KLHL1: variants seen among roughly 807,000 people sequenced by gnomAD.
KLHL1 encodes kelch-like protein 1.
KLHL1 carries 47 observed loss-of-function variants against 77.7 expected under a neutral mutation model. That is an observed-to-expected ratio of 0.60 (90% CI 0.48 to 0.77). The LOEUF (loss-of-function observed/expected upper bound fraction) is 0.77, where lower values mean the gene tolerates loss of function less well. Ranked by LOEUF, KLHL1 falls within the 30% of genes least tolerant of loss-of-function variation. The probability of loss-of-function intolerance (pLI) is 0.00; values close to 1 mark genes in which losing one functional copy is unlikely to be tolerated. For missense variants in KLHL1, 925 were observed against 910.8 expected (o/e 1.02, Z -0.20); for synonymous variants, 360 against 325.2 (o/e 1.11, Z -1.15).
At chr13:70,065,306 G>A (rs1419294974) in intron 1 of KLHL1, among the ~76,000 whole-genome samples, 1 of 152,076 alleles carries the variant, frequency 6.6e-6, no homozygotes, top group Admixed American at 6.6e-5. Flanking sequence ...GTGACTGAGG[G>A]TCAAGAACTT....
chr13:69,826,911 A>G (rs1878571888), intron 6 of KLHL1, among the ~76,000 whole-genome samples: 1 of 151,808 alleles, frequency 6.6e-6, no homozygotes, highest in African/African-American at 2.4e-5. Context: ...ATAAACTTGT[A>G]TTCATTTTCT....
At chr13:70,105,563 T>C (rs891984652) in intron 1 of KLHL1, among the ~76,000 whole-genome samples, 10 of 151,388 alleles carry the variant, frequency 6.6e-5, no homozygotes, top group Non-Finnish European at 1.2e-4. Flanking sequence ...TTTAATAAAA[T>C]AGTAACAGAT....
intron 6 of KLHL1, among the ~76,000 whole-genome samples, chr13:69,835,139 T>C (rs901541970): frequency 2.0e-5 from 3 of 152,168 alleles, no homozygotes; most frequent in African/African-American, 4.8e-5. Flanking sequence ...ATAGACAAAA[T>C]ACCTACATTT....
At chr13:69,780,606 A>C (rs1876091969) in intron 7 of KLHL1, among the ~76,000 whole-genome samples, 1 of 147,712 alleles carries the variant, frequency 6.8e-6, no homozygotes, top group African/African-American at 2.5e-5. Context: ...CTGTCTATTC[A>C]TTACTCATTG....
At chr13:69,877,524 A>G (rs1396890295) in intron 5 of KLHL1, among the ~76,000 whole-genome samples, 2 of 151,954 alleles carry the variant, frequency 1.3e-5, no homozygotes, top group Non-Finnish European at 1.5e-5. Context: ...TATGTTTTCT[A>G]ATACTGCTGA....
intron 7 of KLHL1, among the ~76,000 whole-genome samples, chr13:69,759,035 A>C (rs12585039): frequency 0.36 from 55,300 of 151,886 alleles, 10,296 homozygotes; most frequent in African/African-American, 0.43. Flanking sequence ...AAGGGCAGGG[A>C]TTGTCTATGT....
At chr13:70,068,901 T>C (rs1304164762) in intron 1 of KLHL1, among the ~76,000 whole-genome samples, 1 of 152,150 alleles carries the variant, frequency 6.6e-6, no homozygotes. Flanking sequence ...CCAGGAGCCC[T>C]ACAAGGTTCT....
intron 8 of KLHL1, among the ~76,000 whole-genome samples, chr13:69,731,263 AG>A (rs1873532725): frequency 6.6e-6 from 1 of 152,212 alleles, no homozygotes; most frequent in Non-Finnish European, 1.5e-5. Flanking sequence ...AGGAGTGAGA[AG>A]CAGAAGGTAA....
chr13:69,797,132 C>T (rs1877145667), intron 6 of KLHL1, among the ~76,000 whole-genome samples, 170 bp from the exon 7 acceptor site: 1 of 152,222 alleles, frequency 6.6e-6, no homozygotes, highest in Non-Finnish European at 1.5e-5. Context: ...TTTATTTTCT[C>T]TTCTTGGCAG....
At chr13:69,738,143 TC>T (rs753247062) in intron 8 of KLHL1, among the ~76,000 whole-genome samples, 20 of 151,906 alleles carry the variant, frequency 1.3e-4, no homozygotes, top group Non-Finnish European at 1.8e-4. Flanking sequence ...AACTGCAGCA[TC>T]CCTATGGAAA....
intron 4 of KLHL1, among the ~76,000 whole-genome samples, chr13:69,934,968 A>ATATATATATATATATATG (rs1593963840): frequency 3.4e-5 from 2 of 59,454 alleles, no homozygotes; most frequent in East Asian, 6.6e-4. Context: ...ATGTGTATAT[A>ATATATATATATATATATG]TATATATATA....
intron 7 of KLHL1, among the ~76,000 whole-genome samples, chr13:69,767,663 GATT>G (rs1875372783): frequency 6.6e-6 from 1 of 152,116 alleles, no homozygotes; most frequent in Non-Finnish European, 1.5e-5. Context: ...AACATCAATA[GATT>G]ATATTTCTAG....
intron 7 of KLHL1, among the ~76,000 whole-genome samples, chr13:69,765,873 C>T (rs1188609347): frequency 6.6e-6 from 1 of 152,322 alleles, no homozygotes. Context: ...TTTTGCTCCA[C>T]AGAGGCTCAT....
intron 7 of KLHL1, among the ~76,000 whole-genome samples, chr13:69,795,238 C>T (rs1166688930): frequency 6.6e-6 from 1 of 152,136 alleles, no homozygotes; most frequent in Non-Finnish European, 1.5e-5. Context: ...CTCTCTCTTT[C>T]CTTTTCTCTC....
chr13:69,939,724 C>A (rs889203300), intron 4 of KLHL1, among the ~76,000 whole-genome samples: 4 of 151,762 alleles, frequency 2.6e-5, no homozygotes, highest in African/African-American at 9.7e-5. Flanking sequence ...GGGCCTGGAG[C>A]CTATGCGCCC....
At chr13:69,824,465 C>T (rs1175251277) in intron 6 of KLHL1, among the ~76,000 whole-genome samples, 2 of 151,948 alleles carry the variant, frequency 1.3e-5, no homozygotes, top group South Asian at 2.1e-4. Context: ...CACAAAAATA[C>T]TTCTACATGA....
Position 69,960,128 on chromosome 13 carries a change from T to TTC in KLHL1, c.817+1179_817+1180insGA, listed in dbSNP as rs1555285617. 1.7e-3 allele frequency among the ~76,000 whole-genome samples: 258 copies of TTC among 150,600 alleles called. 3 individuals carry two copies. The highest frequency in any genetic ancestry group is 5.9e-3 in the African/African-American group (242 of 41,102). ...ATGTGTACTTTTTTTTTTTTTTTTTTCAGGAAGCTTTTTTTACTGAGTGTT... is the reference window on the plus strand; with the variant it reads ...ATGTGTACTTTTTTTTTTTTTTTTTTTCCAGGAAGCTTTTTTTACTGAGTGTT... On this transcript the variant is annotated intron_variant, in intron 3 of 10. Coordinates refer to ENST00000377844, the MANE Select transcript of KLHL1 (RefSeq NM_020866.3).
intron 4 of KLHL1, among the ~76,000 whole-genome samples, chr13:69,888,481 A>C (rs1180916014): frequency 6.6e-6 from 1 of 152,122 alleles, no homozygotes; most frequent in Admixed American, 6.6e-5. Flanking sequence ...TGAGATACAC[A>C]GATACACCGT....
chr13:69,908,291 T>C (rs1286755068), intron 4 of KLHL1, among the ~76,000 whole-genome samples: 3 of 151,536 alleles, frequency 2.0e-5, no homozygotes, highest in Non-Finnish European at 4.4e-5. Flanking sequence ...AAAACAGAAA[T>C]AATTTCAAAG....
Sources: gnomAD v4.1 joint callset for allele counts (sites outside exome capture counted in the v4.1 genomes callset) on GRCh38, gnomAD v4.1.1 for gene constraint, MANE v1.5 for transcripts, NCBI Gene and HGNC (gene_info 2026-07-23, HGNC 2026-07-21) for gene names.